MRC2: variants seen among roughly 807,000 people sequenced by gnomAD.
The protein encoded by MRC2 is mannose receptor C-type 2.
MRC2 carries 84 observed loss-of-function variants against 206.2 expected under a neutral mutation model. The observed-to-expected ratio is 0.41, with a 90% CI of 0.34 to 0.49. The LOEUF is 0.49. MRC2 is among the 20% of genes least tolerant of loss of function. The probability of loss-of-function intolerance (pLI) is 0.31; values close to 1 mark genes in which losing one functional copy is unlikely to be tolerated. For synonymous variants in MRC2, 798 were observed against 800.0 expected (o/e 1.00, Z 0.04); for missense variants, 1,676 against 2,001.5 (o/e 0.84, Z 3.10).
chr17:62,637,147 G>C (rs1409280130), intron 1 of MRC2, among the ~76,000 whole-genome samples: 1 of 152,296 alleles, frequency 6.6e-6, no homozygotes, highest in East Asian at 1.9e-4. Context: ...CGGATCACCT[G>C]AAGTCAGGAG....
At chr17:62,679,976 G>A (rs1418995022) in intron 14 of MRC2, 74 bp downstream of exon 14, 1 of 1,472,660 alleles carries the variant, frequency 6.8e-7, no homozygotes, top group Non-Finnish European at 9.2e-7. Context: ...GGCGGGGCCT[G>A]GAGGTGGGCG....
intron 1 of MRC2, among the ~76,000 whole-genome samples, chr17:62,638,906 G>A (rs1568049133): frequency 6.6e-6 from 1 of 152,070 alleles, no homozygotes; most frequent in Non-Finnish European, 1.5e-5. Flanking sequence ...GTGACAAAGC[G>A]AGACTCTGTC....
At chr17:62,673,927 C>G in intron 8 of MRC2, 136 bp from the exon 9 acceptor site, 1 of 704,848 alleles carries the variant, frequency 1.4e-6, no homozygotes, top group Non-Finnish European at 2.4e-6. Context: ...CCCCATTGCA[C>G]AGCTGGGACA....
intron 6 of MRC2, among the ~76,000 whole-genome samples, chr17:62,670,830 T>C (rs28561415): frequency 0.11 from 16,744 of 152,112 alleles, 1,158 homozygotes; most frequent in South Asian, 0.19. Flanking sequence ...CCTGGTGGGC[T>C]TGCCTGGGCC....
rs1454546958 is a variant in MRC2, at chr17:62,666,450, G to T, written c.695-5G>T. The T allele has an allele frequency of 1.2e-6, 2 of 1,613,848 alleles. No individual in the cohort carries two copies. Among genetic ancestry groups the T allele is most frequent in the Non-Finnish European group, 1.7e-6 (2 of 1,179,996 alleles). ...GCCTGAAGGAGAGGGCTGTCGTGGT[G>T]GCAGGTAACGACTGCGAGACCTTCT... On this transcript the variant is annotated splice_polypyrimidine_tract_variant and splice_region_variant and intron_variant, in intron 3 of 29. Coordinates refer to ENST00000303375, the MANE Select transcript of MRC2 (RefSeq NM_006039.5). This position sits in a 1 kb window ranked among gnomAD's most constrained non-coding sequence, Gnocchi z 5.0.
rs972986364 is a variant in MRC2 at position 62,693,542 on chromosome 17, AAAAG to A, written c.*1092_*1095del. ...AATGTGCCATTATTGTTTTTAAAAA[AAAAG>A]GAAAAAAGAAAAGCAAACAAATAAA... On this transcript the variant is annotated 3_prime_UTR_variant, in exon 30 of 30. Transcript: ENST00000303375. 3 of 152,582 alleles carry A rather than the reference AAAAG, an allele frequency of 2.0e-5. No homozygotes were observed. Among genetic ancestry groups the A allele is most frequent in the African/African-American group, 4.8e-5 (2 of 41,464 alleles). 9.5% of individuals were successfully genotyped at this position (152,582 alleles called of 1,614,324 possible).
intron 2 of MRC2, 97 bp from the exon 3 acceptor site, chr17:62,665,997 C>T: frequency 7.8e-7 from 1 of 1,283,852 alleles, no homozygotes; most frequent in South Asian, 1.5e-5. Context: ...GAACACCCAG[C>T]ACTCTGGGTT....
intron 20 of MRC2, among the ~76,000 whole-genome samples, 157 bp downstream of exon 20, chr17:62,682,534 C>G (rs1568069377): frequency 6.6e-6 from 1 of 152,190 alleles, no homozygotes; most frequent in Non-Finnish European, 1.5e-5. Context: ...AGTACCAGGG[C>G]CAGACTCCTT....
intron 1 of MRC2, among the ~76,000 whole-genome samples, chr17:62,647,275 C>A (rs1034532935): frequency 1.3e-5 from 2 of 151,094 alleles, no homozygotes; most frequent in Non-Finnish European, 2.9e-5. Flanking sequence ...CCTCCGCCTC[C>A]TGGGTTCAAG....
At position 62,646,516 on chromosome 17, in the gene MRC2, C is replaced by T. The variant is rs147263141; in HGVS notation, c.119-18032C>T. ...ACTGTGTACATCGTAGCACACCAGA[C>T]TCCTTGCTCAGACCTGAAGTCGGAT... On this transcript the variant is annotated intron_variant, in intron 1 of 29. Coordinates refer to ENST00000303375, the MANE Select transcript of MRC2 (RefSeq NM_006039.5). Among the ~76,000 whole-genome samples, 4 of 152,326 alleles carry T rather than the reference C, an allele frequency of 2.6e-5. No homozygotes were observed. In the East Asian group the frequency reaches 7.7e-4, roughly 29 times the overall value.
At chr17:62,657,887 C>A (rs568310912) in intron 1 of MRC2, among the ~76,000 whole-genome samples, 6 of 152,230 alleles carry the variant, frequency 3.9e-5, no homozygotes, top group African/African-American at 1.4e-4. Flanking sequence ...CCGGCCACTT[C>A]GGGTGGAAAA....
At position 62,678,558 on chromosome 17, in the gene MRC2, G is replaced by A; in HGVS notation, c.2107G>A (p.Ala703Thr). 6.2e-7 allele frequency: 1 copy of A among 1,609,936 alleles called. No individual in the cohort carries two copies. The highest frequency in any genetic ancestry group is 1.3e-5 in the African/African-American group (1 of 74,684). The part of the protein sequence containing the change: ...DKKSWVQAQG[A>T]CQELGAQLLS... The stretch of plus-strand genomic sequence containing the variant: ...GAAGAGCTGGGTCCAGGCCCAGGGG[G>A]CCTGCCAGGAGCTGGGGGCCCAGCT... Residue 703 changes from alanine to threonine, a missense_variant, in exon 13 of 30, where the codon GCC becomes ACC. Physicochemically the swap from Ala to Thr is moderately conservative, Grantham distance 58. Around this residue, in one of 3 missense-constraint regions of MRC2, gnomAD observed 1,354 missense variants for 1,636.6 expected, o/e 0.83. Coordinates refer to ENST00000303375, the MANE Select transcript of MRC2 (RefSeq NM_006039.5).
In MRC2 at chr17:62,666,218, C is replaced by T; in HGVS notation, c.645C>T (p.Thr215=). ...AGGATGGTCACCTGTGGTGTGCCAC[C>T]ACCCAGGACTACGGCAAAGACGAGC... ...GREDGHLWCA[T]TQDYGKDERW... The change falls in exon 3 of 30, where the codon ACC becomes ACT. Residue 215 remains threonine, a synonymous_variant. Transcript: ENST00000303375. The surrounding 1 kb of genome is among the most constrained non-coding windows in gnomAD (Gnocchi z 5.0). The T allele has an allele frequency of 1.2e-6, 2 of 1,603,164 alleles. No homozygotes were observed. The highest frequency in any genetic ancestry group is 2.2e-5 in the East Asian group (1 of 44,568).
chr17:62,684,373 C>T (rs1251831805), intron 20 of MRC2, among the ~76,000 whole-genome samples: 1 of 152,140 alleles, frequency 6.6e-6, no homozygotes, highest in Non-Finnish European at 1.5e-5. Context: ...GCCAGGAGTT[C>T]GAGACCAGCC....
At chr17:62,629,501 C>T (rs1232975267) in intron 1 of MRC2, among the ~76,000 whole-genome samples, 1 of 152,210 alleles carries the variant, frequency 6.6e-6, no homozygotes, top group Non-Finnish European at 1.5e-5. Context: ...GGTCCCCTTC[C>T]CGTTGGCACT....
chr17:62,666,170 C>G lies in MRC2; in HGVS notation c.597C>G (p.His199Gln), dbSNP rs370235388. The stretch of plus-strand genomic sequence containing the variant: ...TCAAATATGACAACCAGTGGTTCCA[C>G]GGCTGCACCAGCACGGGCCGCGAGG... Reference protein sequence around the residue: ...IPFKYDNQWFHGCTSTGREDG... With the variant: ...IPFKYDNQWFQGCTSTGREDG... Residue 199 changes from histidine (H) to glutamine (Q), a missense_variant, in exon 3 of 30, where the codon CAC becomes CAG. This residue lies in a region of MRC2 where 318 missense variants were observed against 346.7 expected (regional missense o/e 0.92). Coordinates refer to ENST00000303375, the MANE Select transcript of MRC2 (RefSeq NM_006039.5). The surrounding 1 kb of genome is among the most constrained non-coding windows in gnomAD (Gnocchi z 5.0). The G allele has an allele frequency of 6.2e-7, 1 of 1,601,764 alleles. No individual in the cohort carries two copies. The highest frequency in any genetic ancestry group is 8.5e-7 in the Non-Finnish European group (1 of 1,174,206).
In MRC2 at chr17:62,680,191, C is replaced by A; in HGVS notation, c.2320C>A (p.Arg774=). The A allele has an allele frequency of 6.2e-7, 1 of 1,614,090 alleles. No homozygotes were observed. The highest frequency in any genetic ancestry group is 1.1e-5 in the South Asian group (1 of 91,074). The part of the protein sequence containing the change: ...GVGFSYHNFD[R]SRHDDDDIRG... ...CCAGTTCTCTTACCACAATTTCGAC[C>A]GGAGCCGGCACGACGACGACGACAT... Residue 774 remains arginine, a synonymous_variant, in exon 15 of 30, where the codon CGG becomes AGG. Transcript: ENST00000303375. The surrounding 1 kb of genome is among the most constrained non-coding windows in gnomAD (Gnocchi z 4.8).
Position 62,692,591 on chromosome 17 carries a change from G to A in MRC2, c.*140G>A. 2.3e-6 allele frequency: 2 copies of A among 873,642 alleles called. No individual in the cohort carries two copies. The highest frequency in any genetic ancestry group is 3.5e-6 in the Non-Finnish European group (2 of 575,888). The allele number at this position is 873,642 out of a possible 1,614,324, so 54.1% of individuals were successfully genotyped here. On this transcript the variant is annotated 3_prime_UTR_variant, in exon 30 of 30. Coordinates refer to ENST00000303375, the MANE Select transcript of MRC2 (RefSeq NM_006039.5). The surrounding 1 kb of genome is among the most constrained non-coding windows in gnomAD (Gnocchi z 4.2). ...AGTCGCTGTTGGGAGCCGGAGCTGG[G>A]CAGAGCCTGGGCTGGTGGGGTGCCA...
At position 62,676,394 on chromosome 17, in the gene MRC2, C is replaced by A. The variant is rs202139474; in HGVS notation, c.1697C>A (p.Ala566Asp). The change falls in exon 11 of 30, where the codon GCC (alanine) becomes GAC (aspartate). Residue 566 changes from alanine (A) to aspartate (D), a missense_variant. This residue lies in a region of MRC2 where 1,354 missense variants were observed against 1,636.6 expected (regional missense o/e 0.83). Coordinates refer to ENST00000303375, the MANE Select transcript of MRC2 (RefSeq NM_006039.5). Reference sequence around the variant, plus strand: ...CCTGTCTCCTGAAGGTTCGAGCAGGCCTTCGTCAGCAGCCTCATCTACAAC... The same window carrying A: ...CCTGTCTCCTGAAGGTTCGAGCAGGACTTCGTCAGCAGCCTCATCTACAAC... ...LVTITNRFEQ[A>D]FVSSLIYNWE... 6 of 1,613,956 alleles carry A rather than the reference C, an allele frequency of 3.7e-6. No individual in the cohort carries two copies. Among genetic ancestry groups the A allele is most frequent in the Non-Finnish European group, 5.1e-6 (6 of 1,179,936 alleles).
Sources: allele counts gnomAD v4.1 joint callset (sites outside exome capture counted in the v4.1 genomes callset), GRCh38; gene constraint gnomAD v4.1.1; regional missense constraint gnomAD v4.1.1; non-coding constraint Gnocchi (gnomAD v3.1); transcripts MANE v1.5; gene names NCBI Gene and HGNC (gene_info 2026-07-23, HGNC 2026-07-21).